TNC: variants seen among roughly 807,000 people sequenced by gnomAD.
TNC encodes the protein tenascin.
In TNC, 109 loss-of-function variants were observed where a neutral mutation model predicts 202.4. The ratio of observed to expected loss-of-function variants is 0.54; its 90% CI spans 0.46 to 0.63. The LOEUF (loss-of-function observed/expected upper bound fraction) is 0.63. TNC is among the 30% of genes least tolerant of loss of function. TNC has a pLI of 0.00. For synonymous variants in TNC, 1,007 were observed against 1,089.7 expected (o/e 0.92, Z 1.50); for missense variants, 2,756 against 2,833.3 (o/e 0.97, Z 0.62).
In TNC at chr9:115,086,945, T is replaced by G. The variant is rs779887520; in HGVS notation, c.786A>C (p.Thr262=). The change falls in exon 3 of 28, where the codon ACA becomes ACC. Residue 262 remains threonine, a synonymous_variant. Transcript: ENST00000350763. ...GGCACACACACAAGCCATCTACACA[T>G]GTGCCGTGCTCCTCACTGCAGGGCA... ...CPVPCSEEHG[T]CVDGLCVCHD... The G allele has an allele frequency of 2.5e-6, 4 of 1,614,206 alleles. No individual in the cohort carries two copies. In the South Asian group the frequency reaches 4.4e-5, roughly 18 times the overall value.
At chr9:115,037,462 A>G (rs1439114030) in intron 20 of TNC, among the ~76,000 whole-genome samples, 6 of 152,174 alleles carry the variant, frequency 3.9e-5, no homozygotes, top group Non-Finnish European at 8.8e-5. Flanking sequence ...TAATCTGTCA[A>G]CTGGGTACAT....
At chr9:115,025,327 C>T (rs763634078) in intron 26 of TNC, among the ~76,000 whole-genome samples, 7 of 152,204 alleles carry the variant, frequency 4.6e-5, no homozygotes, top group Non-Finnish European at 8.8e-5. Context: ...GGGTGTCTCT[C>T]TTTATTATCA....
intron 19 of TNC, among the ~76,000 whole-genome samples, chr9:115,040,277 G>A (rs1465476606): frequency 1.3e-5 from 2 of 152,190 alleles, no homozygotes; most frequent in Non-Finnish European, 2.9e-5. Context: ...TGTCTCAGTT[G>A]TCTCCTCTGT....
Position 115,021,076 on chromosome 9 carries a change from G to C in TNC, c.*81C>G. ...AATGCCCAGGTGTGGACCGATGGTTGGGCTGGTTGTATTGATGCTTTGGTA... is the reference window on the plus strand; with the variant it reads ...AATGCCCAGGTGTGGACCGATGGTTCGGCTGGTTGTATTGATGCTTTGGTA... On this transcript the variant is annotated 3_prime_UTR_variant, in exon 28 of 28. Coordinates refer to ENST00000350763, the MANE Select transcript of TNC (RefSeq NM_002160.4). 8.4e-7 allele frequency: 1 copy of C among 1,194,572 alleles called. No homozygotes were observed. The highest frequency in any genetic ancestry group is 1.2e-6 in the Non-Finnish European group (1 of 817,856). 74.0% of individuals were successfully genotyped at this position (1,194,572 alleles called of 1,614,324 possible).
At chr9:115,068,073 T>C (rs1268595437) in intron 10 of TNC, among the ~76,000 whole-genome samples, 1 of 152,102 alleles carries the variant, frequency 6.6e-6, no homozygotes, top group African/African-American at 2.4e-5. Context: ...AAAAATACAG[T>C]GGACAATAGT....
At chr9:115,114,300 G>A (rs1052861306) in intron 1 of TNC, among the ~76,000 whole-genome samples, 1 of 152,200 alleles carries the variant, frequency 6.6e-6, no homozygotes, top group Non-Finnish European at 1.5e-5. Context: ...TGAATTTGTG[G>A]CTCAATTTGT....
At chr9:115,108,274 T>C (rs1363083471) in intron 1 of TNC, among the ~76,000 whole-genome samples, 1 of 152,208 alleles carries the variant, frequency 6.6e-6, no homozygotes. Flanking sequence ...CCAGACTACG[T>C]TGCAAGATGT....
intron 27 of TNC, among the ~76,000 whole-genome samples, chr9:115,021,791 GATAA>G (rs1227962627): frequency 6.6e-6 from 1 of 152,174 alleles, no homozygotes; most frequent in East Asian, 1.9e-4. Flanking sequence ...TTACTTGAGA[GATAA>G]ATAGTCTTAA....
intron 1 of TNC, among the ~76,000 whole-genome samples, chr9:115,093,652 G>T (rs1228483389): frequency 2.0e-5 from 3 of 150,826 alleles, no homozygotes; most frequent in Non-Finnish European, 2.9e-5. Context: ...AGGGCCATGG[G>T]CCAAGTTTGA....
chr9:115,046,882 A>G (rs971223444), intron 16 of TNC, among the ~76,000 whole-genome samples, 200 bp from the exon 17 acceptor site: 4 of 152,226 alleles, frequency 2.6e-5, no homozygotes, highest in Non-Finnish European at 5.9e-5. Context: ...TGGAGTAGAC[A>G]CATTCAATAC....
chr9:115,098,551 C>G (rs1835968277), intron 1 of TNC, among the ~76,000 whole-genome samples: 1 of 152,192 alleles, frequency 6.6e-6, no homozygotes, highest in Non-Finnish European at 1.5e-5. Context: ...GATGAAACTT[C>G]CAACTGGCTA....
At chr9:115,102,014 C>T (rs1836275247) in intron 1 of TNC, among the ~76,000 whole-genome samples, 1 of 152,138 alleles carries the variant, frequency 6.6e-6, no homozygotes, top group African/African-American at 2.4e-5. Context: ...AGAGCCTGTG[C>T]TTAGTTAGCA....
Position 115,063,098 on chromosome 9 carries a change from G to A in TNC, c.3852C>T (p.Asp1284=), listed in dbSNP as rs1258277002. The part of the protein sequence containing the change: ...LNWTTPDGTY[D]QFTIQVQEAD... ...CCTCCTGGACCTGAATAGTAAACTG[G>A]TCATAGGTTCCATCTGGCGTGGTCC... Residue 1284 remains aspartate, a synonymous_variant, in exon 13 of 28, where the codon GAC becomes GAT. Coordinates refer to ENST00000350763, the MANE Select transcript of TNC (RefSeq NM_002160.4). The A allele has an allele frequency of 6.2e-7, 1 of 1,614,134 alleles. No individual in the cohort carries two copies. Among genetic ancestry groups the A allele is most frequent in the Non-Finnish European group, 8.5e-7 (1 of 1,180,022 alleles).
Position 115,031,676 on chromosome 9 carries a change from C to G in TNC, c.5797G>C (p.Val1933Leu), listed in dbSNP as rs1478388382. The G allele has an allele frequency of 6.2e-7, 1 of 1,609,722 alleles. No individual in the cohort carries two copies. The highest frequency in any genetic ancestry group is 1.1e-5 in the South Asian group (1 of 90,424). ...CTGTAGGAGGTGGTATCTGGACCCA[C>G]AATGACTTCCTAAGAGCAGAAGAAA... is the stretch of plus-strand genomic sequence containing the variant. ...SVDGTVKEVI[V>L]GPDTTSYSLA... is the part of the protein sequence containing the mutation. The change falls in exon 23 of 28, where the codon GTG (valine) becomes CTG (leucine). Residue 1933 changes from valine (V) to leucine (L), a missense_variant. Val to Leu is a conservative substitution (Grantham distance 32). Transcript: ENST00000350763.
intron 1 of TNC, among the ~76,000 whole-genome samples, chr9:115,110,408 G>A (rs571267393): frequency 2.8e-4 from 42 of 152,130 alleles, no homozygotes; most frequent in Non-Finnish European, 3.4e-4. Flanking sequence ...TTGAAGAAGG[G>A]GAAGGCTGGG....
intron 10 of TNC, among the ~76,000 whole-genome samples, chr9:115,065,650 C>T (rs1456222375): frequency 6.6e-6 from 1 of 152,028 alleles, no homozygotes; most frequent in Non-Finnish European, 1.5e-5. Flanking sequence ...CTTAGATACC[C>T]TTCTTTTTTG....
rs775333476 is a variant in TNC at position 115,021,282 on chromosome 9, AAAGAG to A, written c.6496-20_6496-16del. On this transcript the variant is annotated splice_polypyrimidine_tract_variant and intron_variant, in intron 27 of 27. Coordinates refer to ENST00000350763, the MANE Select transcript of TNC (RefSeq NM_002160.4). ...CAGTTAACGCCCTGTTAAAAAAAAAAAAGAGAGAGAGAGAGAGAGAGAGAAGGCCT... is the reference window on the plus strand; with the variant it reads ...CAGTTAACGCCCTGTTAAAAAAAAAAAGAGAGAGAGAGAGAGAGAAGGCCT... The A allele has an allele frequency of 1.0e-4, 152 of 1,489,918 alleles. No individual in the cohort carries two copies. Among genetic ancestry groups the A allele is most frequent in the Middle Eastern group, 1.8e-4 (1 of 5,422 alleles). The allele number at this position is 1,489,918 out of a possible 1,614,324, so 92.3% of individuals were successfully genotyped here. A position where few individuals can be genotyped will look rare whatever the true frequency, so the allele number is the denominator to read the frequency against.
chr9:115,109,982 A>T (rs1221148393), intron 1 of TNC, among the ~76,000 whole-genome samples: 1 of 152,108 alleles, frequency 6.6e-6, no homozygotes, highest in Non-Finnish European at 1.5e-5. Context: ...ACCAGATACA[A>T]TTTTTTCTTT....
chr9:115,026,463 A>C, intron 26 of TNC, 71 bp downstream of exon 26: 2 of 1,495,214 alleles, frequency 1.3e-6, no homozygotes, highest in South Asian at 1.2e-5. Context: ...AATGAAAGTT[A>C]GAGAAATAAA....
Sources: gnomAD v4.1 joint callset for allele counts (sites outside exome capture counted in the v4.1 genomes callset) on GRCh38, gnomAD v4.1.1 for gene constraint, MANE v1.5 for transcripts, NCBI Gene and HGNC (gene_info 2026-07-23, HGNC 2026-07-21) for gene names.